DNAH14: variants seen among roughly 807,000 people sequenced by gnomAD.
DNAH14 encodes the protein axonemal beta dynein heavy chain 14.
DNAH14 carries 478 observed loss-of-function variants against 520.9 expected under a neutral mutation model. That is an observed-to-expected ratio of 0.92 (90% CI 0.85 to 0.99). The LOEUF (loss-of-function observed/expected upper bound fraction) is 0.99. DNAH14 is among the 50% of genes least tolerant of loss of function. DNAH14 has a pLI of 0.00. For synonymous variants in DNAH14, 1,581 were observed against 1,757.2 expected (o/e 0.90, Z 2.51); for missense variants, 4,831 against 5,234.5 (o/e 0.92, Z 2.38).
intron 47 of DNAH14, 40 bp downstream of exon 47, chr1:225,264,301 C>G: frequency 7.2e-7 from 1 of 1,393,874 alleles, no homozygotes; most frequent in Non-Finnish European, 9.9e-7. Flanking sequence ...TGCTATGTTT[C>G]AAAACTTCAC....
intron 46 of DNAH14, 118 bp from the exon 47 acceptor site, chr1:225,264,078 AT>A: frequency 2.5e-6 from 2 of 805,598 alleles, no homozygotes; most frequent in Non-Finnish European, 3.8e-6. Flanking sequence ...CAGAAAAAAA[AT>A]TTTTCTTGTA....
chr1:224,937,741 A>G (rs977066228), intron 1 of DNAH14, among the ~76,000 whole-genome samples: 41 of 152,148 alleles, frequency 2.7e-4, no homozygotes, highest in African/African-American at 9.9e-4. Flanking sequence ...TGAATAGCCA[A>G]AGCCCTCCTG....
chr1:224,935,547 A>G (rs938753495), intron 1 of DNAH14, among the ~76,000 whole-genome samples: 4 of 151,864 alleles, frequency 2.6e-5, no homozygotes, highest in East Asian at 1.9e-4. Context: ...AATATATGCA[A>G]CCAACACTGG....
intron 41 of DNAH14, 52 bp from the exon 42 acceptor site, chr1:225,231,021 A>T: frequency 2.3e-6 from 3 of 1,326,834 alleles, no homozygotes; most frequent in Non-Finnish European, 3.1e-6. Context: ...AGTTTACCAG[A>T]TAAATTTTAG....
At chr1:225,329,675 C>G (rs961226735) in intron 64 of DNAH14, among the ~76,000 whole-genome samples, 3 of 152,130 alleles carry the variant, frequency 2.0e-5, no homozygotes, top group African/African-American at 7.2e-5. Flanking sequence ...AGACTTAAAT[C>G]TAAGACCTCA....
intron 44 of DNAH14, among the ~76,000 whole-genome samples, chr1:225,254,266 A>G (rs1471325857): frequency 1.3e-5 from 2 of 152,208 alleles, no homozygotes; most frequent in Non-Finnish European, 2.9e-5. Flanking sequence ...AGCCATGGTT[A>G]TATTTGGATC....
chr1:225,219,633 C>G (rs1386937505), intron 41 of DNAH14, among the ~76,000 whole-genome samples: 1 of 151,984 alleles, frequency 6.6e-6, no homozygotes, highest in Non-Finnish European at 1.5e-5. Context: ...CTGAATAGAC[C>G]AATAAAAAGT....
In DNAH14 at chr1:225,042,879, T is replaced by G; in HGVS notation, c.1533T>G (p.Tyr511Ter). The G allele has an allele frequency of 1.3e-6, 2 of 1,551,598 alleles. No individual in the cohort carries two copies. Among genetic ancestry groups the G allele is most frequent in the Non-Finnish European group, 1.7e-6 (2 of 1,146,952 alleles). ...VEVGKDLRKT[Y>*]APIFEVNLCL... The stretch of plus-strand genomic sequence containing the variant: ...TGGGGAAGGATTTGAGAAAAACATA[T>G]GCACCAATATTTGAAGTAAATCTAT... The change falls in exon 13 of 86, where the codon TAT becomes TAG. Residue 511 changes from tyrosine (Y) to a stop codon, truncating the protein, a stop_gained. Coordinates refer to ENST00000682510, the MANE Select transcript of DNAH14 (RefSeq NM_001367479.1). LOFTEE classifies it high-confidence loss of function.
chr1:225,072,336 T>C (rs1336300085), intron 17 of DNAH14, among the ~76,000 whole-genome samples: 2 of 152,258 alleles, frequency 1.3e-5, no homozygotes, highest in African/African-American at 4.8e-5. Flanking sequence ...CTGCTATTAA[T>C]ACTTGTGATT....
intron 8 of DNAH14, among the ~76,000 whole-genome samples, chr1:224,982,237 T>C (rs1234398428): frequency 2.0e-5 from 3 of 152,218 alleles, no homozygotes; most frequent in Non-Finnish European, 4.4e-5. Flanking sequence ...GTATACTAAG[T>C]AAATGCCTAG....
intron 36 of DNAH14, among the ~76,000 whole-genome samples, chr1:225,178,914 A>G (rs939876957): frequency 6.6e-6 from 1 of 152,086 alleles, no homozygotes; most frequent in Non-Finnish European, 1.5e-5. Context: ...TTATGATAGT[A>G]AGTCTCACGA....
At chr1:225,001,887 G>A (rs2063799567) in intron 8 of DNAH14, among the ~76,000 whole-genome samples, 1 of 151,992 alleles carries the variant, frequency 6.6e-6, no homozygotes, top group African/African-American at 2.4e-5. Flanking sequence ...GTAGTTTTAT[G>A]TTATGTGAGG....
chr1:225,171,012 A>G (rs1308435641), intron 36 of DNAH14, among the ~76,000 whole-genome samples: 1 of 152,234 alleles, frequency 6.6e-6, no homozygotes, highest in Non-Finnish European at 1.5e-5. Flanking sequence ...CCTGCTCCTG[A>G]ATGACTACTG....
chr1:225,149,617 G>T (rs1241880576), intron 31 of DNAH14, among the ~76,000 whole-genome samples: 1 of 152,018 alleles, frequency 6.6e-6, no homozygotes, highest in Non-Finnish European at 1.5e-5. Context: ...GTTTTCCTTA[G>T]GAGAGATCTT....
At chr1:225,383,901 T>C (rs940009966) in intron 81 of DNAH14, among the ~76,000 whole-genome samples, 2 of 152,202 alleles carry the variant, frequency 1.3e-5, no homozygotes, top group African/African-American at 4.8e-5. Context: ...CCCTACACAT[T>C]GCTTTAAATT....
chr1:225,157,841 G>A (rs753611980), intron 34 of DNAH14, among the ~76,000 whole-genome samples: 5 of 152,094 alleles, frequency 3.3e-5, no homozygotes, highest in South Asian at 2.1e-4. Context: ...AAGACTCAGC[G>A]AGGTATTCTC....
chr1:225,272,545 A>T (rs905443816), intron 51 of DNAH14, among the ~76,000 whole-genome samples: 2 of 152,232 alleles, frequency 1.3e-5, no homozygotes, highest in South Asian at 2.1e-4. Context: ...GTGGGACTTT[A>T]GCCCTAAATA....
intron 34 of DNAH14, among the ~76,000 whole-genome samples, chr1:225,157,880 C>G (rs915711314): frequency 6.6e-6 from 1 of 152,152 alleles, no homozygotes; most frequent in African/African-American, 2.4e-5. Flanking sequence ...AAAGTCAATT[C>G]CAACCCGCTA....
Position 225,347,471 on chromosome 1 carries a change from G to A in DNAH14, c.11296+817G>A, listed in dbSNP as rs567457392. On this transcript the variant is annotated intron_variant, in intron 71 of 85. Coordinates refer to ENST00000682510, the MANE Select transcript of DNAH14 (RefSeq NM_001367479.1). ...CCCCCCATTACAGAGTTCCTCCCTC[G>A]GATAGAAACAAAAGAGTAGACAGTG... 3.9e-5 allele frequency among the ~76,000 whole-genome samples: 6 copies of A among 152,178 alleles called. No homozygotes were observed. In the South Asian group the frequency reaches 1.0e-3, roughly 26 times the overall value.
Sources: gnomAD v4.1 joint callset for allele counts (sites outside exome capture counted in the v4.1 genomes callset) on GRCh38, gnomAD v4.1.1 for gene constraint, MANE v1.5 for transcripts, NCBI Gene and HGNC (gene_info 2026-07-23, HGNC 2026-07-21) for gene names.